ELMO1: variants seen among roughly 807,000 people sequenced by gnomAD.
ELMO1 encodes the protein engulfment and cell motility protein 1.
A neutral mutation model predicts 98.9 loss-of-function variants in ELMO1; 26 were observed. The ratio of observed to expected loss-of-function variants is 0.26; its 90% confidence interval spans 0.19 to 0.36. ELMO1 has a LOEUF of 0.36. Among genes scored for constraint, ELMO1 ranks in the 10% least tolerant of loss-of-function variants. ELMO1 has a pLI of 1.00. For missense variants in ELMO1, 627 were observed against 935.2 expected, an observed-to-expected ratio of 0.67 and a Z score of 4.30; for synonymous variants, 346 against 346.0, an observed-to-expected ratio of 1.00 and a Z score of 0.00.
At chr7:37,302,918 T>C (rs537793631) in intron 4 of ELMO1, among the ~76,000 whole-genome samples, 5 of 152,262 alleles carry the variant, frequency 3.3e-5, no homozygotes, top group African/African-American at 1.2e-4. Context: ...TGTTACTGAG[T>C]GTCACCTCCA....
In ELMO1 at chr7:37,361,804, C is replaced by CA. The variant is rs200574846; in HGVS notation, c.-73-19042dup. 2.0e-3 allele frequency among the ~76,000 whole-genome samples: 298 copies of CA among 145,562 alleles called. 8 individuals are homozygous for CA. In the East Asian group the frequency reaches 0.074, roughly 36 times the overall value. ...GGAAACCCTGTTTCTATAAAAAAGACAAAAAAATTAACCAGGCGTGGTAGC... is the reference window on the plus strand; with the variant it reads ...GGAAACCCTGTTTCTATAAAAAAGACAAAAAAAATTAACCAGGCGTGGTAGC... On this transcript the variant is annotated intron_variant, in intron 1 of 21. Transcript: ENST00000310758.
At chr7:36,943,518 T>C (rs925793889) in intron 16 of ELMO1, among the ~76,000 whole-genome samples, 4 of 152,178 alleles carry the variant, frequency 2.6e-5, no homozygotes, top group African/African-American at 9.6e-5. Context: ...GACAATTTGA[T>C]TGGAGTTTTG....
chr7:37,169,761 A>G (rs1790022443), intron 13 of ELMO1, among the ~76,000 whole-genome samples: 1 of 152,204 alleles, frequency 6.6e-6, no homozygotes, highest in Non-Finnish European at 1.5e-5. Context: ...CAATCATCAC[A>G]CTTAGGAACC....
At chr7:36,901,944 G>A (rs1315161082) in intron 16 of ELMO1, among the ~76,000 whole-genome samples, 2 of 152,196 alleles carry the variant, frequency 1.3e-5, no homozygotes, top group Non-Finnish European at 2.9e-5. Flanking sequence ...TTAAAGAGAG[G>A]TGTTTTCATC....
chr7:37,276,080 G>A lies in ELMO1; in HGVS notation c.193-4198C>T, dbSNP rs1438169459. The stretch of plus-strand genomic sequence containing the variant: ...CTGGACACACATTTCACTTCCGAGC[G>A]GGAAAACCTGGTGCAAGTGGCATGG... On this transcript the variant is annotated intron_variant, in intron 4 of 21. Coordinates refer to ENST00000310758, the MANE Select transcript of ELMO1 (RefSeq NM_014800.11). Among the ~76,000 whole-genome samples, 3 of 152,106 alleles carry A rather than the reference G, an allele frequency of 2.0e-5. No individual in the cohort carries two copies. In the South Asian group the frequency reaches 6.2e-4, roughly 32 times the overall value.
At chr7:36,884,522 C>T (rs1168057523) in intron 18 of ELMO1, among the ~76,000 whole-genome samples, 2 of 152,220 alleles carry the variant, frequency 1.3e-5, no homozygotes, top group South Asian at 2.1e-4. Context: ...GAGCAGATTG[C>T]CCGAGGCTAC....
At chr7:36,949,523 G>A (rs78290600) in intron 16 of ELMO1, among the ~76,000 whole-genome samples, 143 of 151,898 alleles carry the variant, frequency 9.4e-4, no homozygotes, top group South Asian at 1.9e-3. Context: ...CTCTTCACTC[G>A]GTCTAGGCCA....
intron 16 of ELMO1, among the ~76,000 whole-genome samples, chr7:36,898,365 T>G (rs1472087659): frequency 1.3e-5 from 2 of 152,240 alleles, no homozygotes; most frequent in Non-Finnish European, 2.9e-5. Context: ...GCTCTTAGAA[T>G]CTGCATTTGT....
intron 13 of ELMO1, chr7:37,211,185 C>A: frequency 1.5e-6 from 1 of 670,882 alleles, no homozygotes; most frequent in Non-Finnish European, 2.4e-6. Context: ...ATTAGTCACA[C>A]TTGTGCAAGT....
rs137980766 is a variant in ELMO1 at position 37,344,298 on chromosome 7, C to G, written c.-73-1535G>C. On this transcript the variant is annotated intron_variant, in intron 1 of 21. Coordinates refer to ENST00000310758, the MANE Select transcript of ELMO1 (RefSeq NM_014800.11). ...CTGCCCTCCCCGGCCTCCTGAAGTG[C>G]TGGGATTGCAGGCGTGAGCCACCGT... Among the ~76,000 whole-genome samples, 452 of 152,306 alleles carry G rather than the reference C, an allele frequency of 3.0e-3. 5 individuals are homozygous for G. The highest frequency in any genetic ancestry group is 0.011 in the African/African-American group (440 of 41,562).
At chr7:36,913,834 C>T (rs1224682966) in intron 16 of ELMO1, among the ~76,000 whole-genome samples, 1 of 152,186 alleles carries the variant, frequency 6.6e-6, no homozygotes, top group African/African-American at 2.4e-5. Flanking sequence ...CTAGAATCCT[C>T]CAATCATACA....
At position 36,855,892 on chromosome 7, in the gene ELMO1, C is replaced by T. The variant is rs541648245; in HGVS notation, c.1984-141G>A. On this transcript the variant is annotated intron_variant, in intron 21 of 21. Coordinates refer to ENST00000310758, the MANE Select transcript of ELMO1 (RefSeq NM_014800.11). This position sits in a 1 kb window ranked among gnomAD's most constrained non-coding sequence, Gnocchi z 4.2. ...GCCTACTTCGTCATTTCATATTTGGCGACATCTCAATATAAAGTCGATACT... is the reference window on the plus strand; with the variant it reads ...GCCTACTTCGTCATTTCATATTTGGTGACATCTCAATATAAAGTCGATACT... 1.1e-5 allele frequency: 10 copies of T among 937,848 alleles called. No individual in the cohort carries two copies. The highest frequency in any genetic ancestry group is 6.6e-5 in the South Asian group (4 of 60,738). 58.1% of individuals were successfully genotyped at this position (937,848 alleles called of 1,614,324 possible).
chr7:37,431,807 C>T (rs367953619), intron 1 of ELMO1, among the ~76,000 whole-genome samples: 1 of 152,044 alleles, frequency 6.6e-6, no homozygotes. Flanking sequence ...CTCAAAACAT[C>T]ACTGTGGCCT....
intron 2 of ELMO1, among the ~76,000 whole-genome samples, chr7:37,316,846 C>T (rs1160075819): frequency 6.6e-6 from 1 of 152,128 alleles, no homozygotes; most frequent in Non-Finnish European, 1.5e-5. Context: ...AAGCTGTCTA[C>T]ATATAAGCAG....
intron 18 of ELMO1, among the ~76,000 whole-genome samples, 178 bp downstream of exon 18, chr7:36,887,382 G>A (rs1805112399): frequency 6.6e-6 from 1 of 152,120 alleles, no homozygotes; most frequent in African/African-American, 2.4e-5. Context: ...TCTGGTAATT[G>A]TGGACTTTGA....
chr7:36,887,750 G>A, intron 17 of ELMO1, 78 bp from the exon 18 acceptor site: 2 of 1,287,556 alleles, frequency 1.6e-6, no homozygotes, highest in East Asian at 2.3e-5. Flanking sequence ...TGGGCATACG[G>A]GCAGGGGAGA....
intron 2 of ELMO1, among the ~76,000 whole-genome samples, chr7:37,324,264 A>G (rs1295387790): frequency 6.6e-6 from 1 of 152,162 alleles, no homozygotes; most frequent in African/African-American, 2.4e-5. Flanking sequence ...TTCTGCCTTG[A>G]CACTGGCCTG....
In ELMO1 at chr7:37,008,329, T is replaced by C. The variant is rs376366657; in HGVS notation, c.1437+4970A>G. ...CCTGCTGTTTTTTAGGTTGCTACCGTGTGTTTCACACGGGAAACTAAGGTA... is the reference window on the plus strand; with the variant it reads ...CCTGCTGTTTTTTAGGTTGCTACCGCGTGTTTCACACGGGAAACTAAGGTA... On this transcript the variant is annotated intron_variant, in intron 16 of 21. Coordinates refer to ENST00000310758, the MANE Select transcript of ELMO1 (RefSeq NM_014800.11). 1.2e-4 allele frequency among the ~76,000 whole-genome samples: 18 copies of C among 152,366 alleles called. No homozygotes were observed. In the East Asian group the frequency reaches 3.3e-3, roughly 28 times the overall value.
intron 20 of ELMO1, among the ~76,000 whole-genome samples, chr7:36,866,976 T>C (rs1176155375): frequency 2.0e-5 from 3 of 152,154 alleles, no homozygotes; most frequent in African/African-American, 7.2e-5. Context: ...TGACATGGTA[T>C]ATATGAACAC....
Sources: allele counts gnomAD v4.1 joint callset (sites outside exome capture counted in the v4.1 genomes callset), GRCh38; gene constraint gnomAD v4.1.1; non-coding constraint Gnocchi (gnomAD v3.1); transcripts MANE v1.5; gene names NCBI Gene and HGNC (gene_info 2026-07-23, HGNC 2026-07-21).